The following SSH2 variants were observed in gnomAD, a reference collection of about 807,000 sequenced individuals.
SSH2 encodes protein phosphatase Slingshot homolog 2.
SSH2 carries 37 observed loss-of-function variants against 135.2 expected under a neutral mutation model. That is an observed-to-expected ratio of 0.27 (90% CI 0.21 to 0.36). The LOEUF is 0.36. Ranked by LOEUF, SSH2 falls within the 10% of genes least tolerant of loss-of-function variation. SSH2 has a pLI of 1.00. For missense variants in SSH2, 1,408 were observed against 1,765.3 expected, an observed-to-expected ratio of 0.80 and a Z score of 3.63; for synonymous variants, 628 against 646.2, an observed-to-expected ratio of 0.97 and a Z score of 0.43.
chr17:29,641,203 G>T (rs963200274), intron 14 of SSH2, among the ~76,000 whole-genome samples: 1 of 152,168 alleles, frequency 6.6e-6, no homozygotes, highest in Non-Finnish European at 1.5e-5. Flanking sequence ...GAGCCACCAC[G>T]CCTGGCCTCA....
intron 3 of SSH2, among the ~76,000 whole-genome samples, chr17:29,763,758 T>A (rs2041377564): frequency 6.6e-6 from 1 of 152,190 alleles, no homozygotes; most frequent in Non-Finnish European, 1.5e-5. Context: ...ATAAATAGGT[T>A]CCTATAGCGA....
chr17:29,814,130 C>CAAAAAAAAAA (rs1402714927), intron 2 of SSH2, among the ~76,000 whole-genome samples: 1 of 21,142 alleles, frequency 4.7e-5, no homozygotes. Flanking sequence ...GACTTCGTCT[C>CAAAAAAAAAA]AAAAAAAAAA....
intron 1 of SSH2, among the ~76,000 whole-genome samples, chr17:29,920,558 G>A (rs1015560770): frequency 6.6e-6 from 1 of 152,124 alleles, no homozygotes; most frequent in Non-Finnish European, 1.5e-5. Context: ...CCAAGGAGGA[G>A]TTCCACACCA....
intron 3 of SSH2, among the ~76,000 whole-genome samples, chr17:29,790,623 T>C (rs1400065642): frequency 3.3e-5 from 5 of 152,246 alleles, no homozygotes; most frequent in Admixed American, 6.5e-5. Context: ...TGTCTTTTGA[T>C]GCACAGAAGT....
intron 3 of SSH2, among the ~76,000 whole-genome samples, chr17:29,760,544 T>C (rs925562466): frequency 6.6e-6 from 1 of 152,186 alleles, no homozygotes; most frequent in African/African-American, 2.4e-5. Flanking sequence ...GATTTAAAGA[T>C]GCATTTGCGC....
At chr17:29,863,066 TG>T (rs997019382) in intron 1 of SSH2, among the ~76,000 whole-genome samples, 13 of 149,884 alleles carry the variant, frequency 8.7e-5, no homozygotes, top group Non-Finnish European at 1.5e-4. Flanking sequence ...TAAAAAGGAT[TG>T]TTTTTTTTTT....
intron 2 of SSH2, among the ~76,000 whole-genome samples, chr17:29,800,122 G>A (rs2042223995): frequency 6.6e-6 from 1 of 151,844 alleles, no homozygotes; most frequent in African/African-American, 2.4e-5. Context: ...TTTAACACAA[G>A]ATCCCCAAAT....
intron 2 of SSH2, among the ~76,000 whole-genome samples, 153 bp downstream of exon 2, chr17:29,848,696 T>C (rs1467185585): frequency 7.0e-6 from 1 of 142,780 alleles, no homozygotes; most frequent in Admixed American, 7.4e-5. Flanking sequence ...ACACTCATTC[T>C]AAGCCACCTA....
intron 2 of SSH2, among the ~76,000 whole-genome samples, chr17:29,823,852 C>G (rs1235067290): frequency 7.5e-6 from 1 of 133,638 alleles, no homozygotes; most frequent in East Asian, 2.2e-4. Flanking sequence ...GCACTCCAGC[C>G]TGGACAACAG....
chr17:29,681,331 CAAAAAAA>C (rs764461213), intron 6 of SSH2, among the ~76,000 whole-genome samples: 1 of 14,336 alleles, frequency 7.0e-5, no homozygotes, highest in Non-Finnish European at 1.2e-4. Flanking sequence ...GAGACTGTCT[CAAAAAAA>C]AAAAAAAAAA....
intron 3 of SSH2, among the ~76,000 whole-genome samples, chr17:29,764,744 T>C (rs2041405208): frequency 6.6e-6 from 1 of 152,236 alleles, no homozygotes; most frequent in African/African-American, 2.4e-5. Flanking sequence ...ACATTAGCTA[T>C]GACCAAATTA....
At chr17:29,922,679 T>G (rs951732824) in intron 1 of SSH2, among the ~76,000 whole-genome samples, 1 of 152,230 alleles carries the variant, frequency 6.6e-6, no homozygotes, top group African/African-American at 2.4e-5. Flanking sequence ...CTGGACACAT[T>G]GGTGTGTGCT....
At chr17:29,719,522 A>G (rs1810905133) in intron 3 of SSH2, among the ~76,000 whole-genome samples, 1 of 151,830 alleles carries the variant, frequency 6.6e-6, no homozygotes, top group Admixed American at 6.6e-5. Flanking sequence ...CTCAAAAGAA[A>G]AAAAAAAAAG....
chr17:29,701,404 CTTTTTTTTTTTTTTT>C (rs55721735), intron 4 of SSH2, among the ~76,000 whole-genome samples: 1 of 90,338 alleles, frequency 1.1e-5, no homozygotes, highest in Non-Finnish European at 2.1e-5. Flanking sequence ...GTGCCTGGCT[CTTTTTTTTTTTTTTT>C]TTTTTTTTGA....
chr17:29,892,425 A>G (rs1217467747), intron 1 of SSH2, among the ~76,000 whole-genome samples: 6 of 152,078 alleles, frequency 3.9e-5, no homozygotes, highest in Non-Finnish European at 8.8e-5. Context: ...TCTAGTTGGA[A>G]GCAGATAGGA....
Position 29,703,032 on chromosome 17 carries a change from A to G in SSH2, c.219T>C (p.Gly73=), listed in dbSNP as rs746459403. 6 of 1,613,822 alleles carry G rather than the reference A, an allele frequency of 3.7e-6. No individual in the cohort carries two copies. In the Admixed American group the frequency reaches 1.0e-4, roughly 27 times the overall value. Residue 73 remains glycine (G), a synonymous_variant, in exon 4 of 16, where the codon GGT becomes GGC. Coordinates refer to ENST00000540801, the MANE Select transcript of SSH2 (RefSeq NM_001282129.2). ...SISESFLTVK[G]AALFLPRGNG... Reference sequence around the variant, plus strand: ...TTCCCCGTGGTAGAAAAAGGGCAGCACCTTTGACAGTTAGAAAGCTCTCGC... The same window carrying G: ...TTCCCCGTGGTAGAAAAAGGGCAGCGCCTTTGACAGTTAGAAAGCTCTCGC...
chr17:29,821,801 G>A (rs1409928896), intron 2 of SSH2, among the ~76,000 whole-genome samples: 2 of 151,992 alleles, frequency 1.3e-5, no homozygotes, highest in Non-Finnish European at 2.9e-5. Context: ...ACGCCATCAC[G>A]CCCAGCTAAT....
chr17:29,851,570 G>A (rs1257000348), intron 1 of SSH2, among the ~76,000 whole-genome samples: 1 of 151,942 alleles, frequency 6.6e-6, no homozygotes, highest in Admixed American at 6.6e-5. Context: ...TCCAGCCTGG[G>A]CAATAAGAGC....
chr17:29,754,976 T>C (rs1432465813), intron 3 of SSH2, among the ~76,000 whole-genome samples: 2 of 152,218 alleles, frequency 1.3e-5, no homozygotes, highest in African/African-American at 2.4e-5. Context: ...TTTTAAATGG[T>C]AGTCTTTGCC....
Sources: gnomAD v4.1 joint callset for allele counts (sites outside exome capture counted in the v4.1 genomes callset) on GRCh38, gnomAD v4.1.1 for gene constraint, MANE v1.5 for transcripts, NCBI Gene and HGNC (gene_info 2026-07-23, HGNC 2026-07-21) for gene names.